Variants in BANP observed in about 807,000 individuals in gnomAD.
The protein encoded by BANP is protein BANP.
In BANP, 11 loss-of-function variants were observed where a neutral mutation model predicts 68.1. The ratio of observed to expected loss-of-function variants is 0.16; its 90% CI spans 0.10 to 0.27. The LOEUF (loss-of-function observed/expected upper bound fraction) is 0.27. Among genes scored for constraint, BANP ranks in the 10% least tolerant of loss-of-function variants. The probability of loss-of-function intolerance (pLI) is 1.00; values close to 1 mark genes in which losing one functional copy is unlikely to be tolerated. For missense variants in BANP, 504 were observed against 722.7 expected (o/e 0.70, Z 3.47); for synonymous variants, 329 against 303.2 (o/e 1.09, Z -0.88).
chr16:88,063,819 A>C (rs1278541377), intron 11 of BANP, among the ~76,000 whole-genome samples: 1 of 152,144 alleles, frequency 6.6e-6, no homozygotes, highest in African/African-American at 2.4e-5. Flanking sequence ...AGTGTCAGAA[A>C]CCTCAGAATC....
chr16:88,057,121 T>C lies in BANP; in HGVS notation c.1312-8146T>C, dbSNP rs80061257. 1.0e-3 allele frequency among the ~76,000 whole-genome samples: 153 copies of C among 152,302 alleles called. No homozygotes were observed. The highest frequency in any genetic ancestry group is 3.2e-3 in the African/African-American group (135 of 41,570). On this transcript the variant is annotated intron_variant, in intron 11 of 13. Transcript: ENST00000682872. This position sits in a 1 kb window ranked among gnomAD's most constrained non-coding sequence, Gnocchi z 4.6. ...GTGATTCTTTGGGTGTTCTGAGACT[T>C]TTCTGTTGCCGTTGTTGAGCTGTGT...
chr16:88,002,031 T>C lies in BANP; in HGVS notation c.363-2264T>C, dbSNP rs1299897993. 6.6e-6 allele frequency among the ~76,000 whole-genome samples: 1 copy of C among 152,222 alleles called. No individual in the cohort carries two copies. Among genetic ancestry groups the C allele is most frequent in the Non-Finnish European group, 1.5e-5 (1 of 68,036 alleles). The stretch of plus-strand genomic sequence containing the variant: ...GAATATGTCACCCACTTAGAACTAA[T>C]TCTTGATAATAAAATACTAGGAATG... On this transcript the variant is annotated intron_variant, in intron 4 of 13. Coordinates refer to ENST00000682872, the MANE Select transcript of BANP (RefSeq NM_001386991.1). The surrounding 1 kb of genome is among the most constrained non-coding windows in gnomAD (Gnocchi z 4.6).
intron 12 of BANP, among the ~76,000 whole-genome samples, chr16:88,068,963 C>G (rs149296386): frequency 6.6e-6 from 1 of 152,062 alleles, no homozygotes; most frequent in Non-Finnish European, 1.5e-5. Context: ...TGCCCCTGTC[C>G]GTGCACCCAG....
chr16:88,033,501 C>G (rs1357614584), intron 9 of BANP, among the ~76,000 whole-genome samples: 1 of 152,222 alleles, frequency 6.6e-6, no homozygotes, highest in East Asian at 1.9e-4. Flanking sequence ...TCACCTCAGT[C>G]CTGCCAGCAG....
At chr16:88,027,399 G>A (rs2077214533) in intron 7 of BANP, 84 bp from the exon 8 acceptor site, 4 of 1,514,612 alleles carry the variant, frequency 2.6e-6, no homozygotes, top group South Asian at 1.2e-5. Flanking sequence ...GGCCTCTTCA[G>A]CGGGCCCCGG....
chr16:88,015,180 GCCCTCTGCCCGTGCTCCTTCTGCCCAT>G (rs1351829084), intron 6 of BANP, among the ~76,000 whole-genome samples: 4 of 127,922 alleles, frequency 3.1e-5, no homozygotes, highest in African/African-American at 9.1e-5. Context: ...CTCTGCCTGT[GCCCTCTGCCCGTGCTCCTTCTGCCCAT>G]CCCTCTGCTT....
intron 1 of BANP, among the ~76,000 whole-genome samples, chr16:87,965,338 C>A (rs148153491): frequency 6.6e-6 from 1 of 151,442 alleles, no homozygotes; most frequent in Non-Finnish European, 1.5e-5. Context: ...ATGGAGACCG[C>A]AAGTACAGGC....
At chr16:87,996,338 C>T (rs555060502) in intron 4 of BANP, among the ~76,000 whole-genome samples, 7 of 152,354 alleles carry the variant, frequency 4.6e-5, no homozygotes, top group East Asian at 3.9e-4. Flanking sequence ...CGAGGGTTCT[C>T]GGGTTCTGCT....
At chr16:88,014,720 T>C (rs2074063929) in intron 6 of BANP, among the ~76,000 whole-genome samples, 2 of 151,996 alleles carry the variant, frequency 1.3e-5, no homozygotes, top group Admixed American at 1.3e-4. Flanking sequence ...CATCCCGGTG[T>C]GGGTGGGTGA....
intron 13 of BANP, among the ~76,000 whole-genome samples, chr16:88,076,175 C>T (rs1024488776): frequency 6.6e-6 from 1 of 152,220 alleles, no homozygotes; most frequent in Admixed American, 6.5e-5. Flanking sequence ...TTTGTTGAAA[C>T]ATTGGGACAG....
Position 88,018,540 on chromosome 16 carries a change from C to T in BANP, c.768C>T (p.Ala256=), listed in dbSNP as rs17850504. ...MLHISTNCRT[A]EKMALTLLDY... ...ACATCAGCACCAACTGCCGCACGGC[C>T]GAGAAGATGGCGCTCACGCTGCTGG... Residue 256 remains alanine (A), a synonymous_variant, in exon 7 of 14, where the codon GCC becomes GCT. Transcript: ENST00000682872. The surrounding 1 kb of genome is among the most constrained non-coding windows in gnomAD (Gnocchi z 7.7). 0.12 allele frequency: 189,697 copies of T among 1,613,316 alleles called. 12,317 individuals carry two copies. The highest frequency in any genetic ancestry group is 0.13 in the Non-Finnish European group (158,268 of 1,179,880).
At chr16:88,059,773 C>G (rs1047167567) in intron 11 of BANP, among the ~76,000 whole-genome samples, 1 of 152,238 alleles carries the variant, frequency 6.6e-6, no homozygotes, top group Non-Finnish European at 1.5e-5. Context: ...CACTGTCGGA[C>G]GCGACACATG....
chr16:88,035,138 G>A (rs1567825156), intron 9 of BANP, 185 bp from the exon 10 acceptor site: 4 of 615,056 alleles, frequency 6.5e-6, no homozygotes, highest in Non-Finnish European at 1.2e-5. Context: ...ATGGATGAGG[G>A]GGACTACTGT....
At chr16:88,068,642 C>T (rs935747776) in intron 12 of BANP, among the ~76,000 whole-genome samples, 1 of 151,834 alleles carries the variant, frequency 6.6e-6, no homozygotes. Flanking sequence ...GGCGCCAGCT[C>T]GGGGTCTGTG....
Position 88,018,736 on chromosome 16 carries a change from T to C in BANP, c.895+69T>C. The C allele has an allele frequency of 2.7e-6, 4 of 1,494,868 alleles. No homozygotes were observed. In the African/African-American group the frequency reaches 4.2e-5, roughly 16 times the overall value. 92.6% of individuals were successfully genotyped at this position (1,494,868 alleles called of 1,614,324 possible). A position where few individuals can be genotyped will look rare whatever the true frequency, so the allele number is the denominator to read the frequency against. ...TGGGTCAGGACCCACATTTCAATGC[T>C]GAGGACGCTGGCATCAGTAGCACCG... is the stretch of plus-strand genomic sequence containing the variant. On this transcript the variant is annotated intron_variant, in intron 7 of 13. Transcript: ENST00000682872. This position sits in a 1 kb window ranked among gnomAD's most constrained non-coding sequence, Gnocchi z 7.7.
chr16:88,001,698 T>G (rs1457409083), intron 4 of BANP, among the ~76,000 whole-genome samples: 1 of 152,194 alleles, frequency 6.6e-6, no homozygotes, highest in Non-Finnish European at 1.5e-5. Flanking sequence ...TCCATTATAA[T>G]CTAAATATCA....
rs537138857 is a variant in BANP, at chr16:88,063,618, T to G, written c.1312-1649T>G. On this transcript the variant is annotated intron_variant, in intron 11 of 13. Coordinates refer to ENST00000682872, the MANE Select transcript of BANP (RefSeq NM_001386991.1). ...TTTAAAAGATCCCTTGATAGACGAG[T>G]TTCAGATCCGATCACAGCTGTTCTT... is the stretch of plus-strand genomic sequence containing the variant. Among the ~76,000 whole-genome samples, 12 of 152,258 alleles carry G rather than the reference T, an allele frequency of 7.9e-5. No homozygotes were observed. In the East Asian group the frequency reaches 1.4e-3, roughly 17 times the overall value.
intron 11 of BANP, among the ~76,000 whole-genome samples, chr16:88,053,100 C>G (rs933930154): frequency 6.6e-6 from 1 of 152,000 alleles, no homozygotes; most frequent in Non-Finnish European, 1.5e-5. Flanking sequence ...CCCTAACAAC[C>G]ACTACCACCC....
In BANP at chr16:88,002,914, A is replaced by G. The variant is rs1195637927; in HGVS notation, c.363-1381A>G. ...GGAGAGAATAAATGCATGTGTGGACATGCTGTGAGCCTAGGATCCCGGGGA... is the reference window on the plus strand; with the variant it reads ...GGAGAGAATAAATGCATGTGTGGACGTGCTGTGAGCCTAGGATCCCGGGGA... On this transcript the variant is annotated intron_variant, in intron 4 of 13. Transcript: ENST00000682872. This position sits in a 1 kb window ranked among gnomAD's most constrained non-coding sequence, Gnocchi z 4.6. 6.6e-6 allele frequency among the ~76,000 whole-genome samples: 1 copy of G among 152,158 alleles called. No individual in the cohort carries two copies. The highest frequency in any genetic ancestry group is 1.9e-4 in the East Asian group (1 of 5,176).
Sources: gnomAD v4.1 joint callset for allele counts (sites outside exome capture counted in the v4.1 genomes callset) on GRCh38, gnomAD v4.1.1 for gene constraint, Gnocchi (gnomAD v3.1) non-coding constraint, MANE v1.5 for transcripts, NCBI Gene and HGNC (gene_info 2026-07-23, HGNC 2026-07-21) for gene names.